Variants in UTRN observed in about 807,000 individuals in gnomAD.
UTRN encodes utrophin, also known as dystrophin-related protein 1.
A neutral mutation model predicts 463.9 loss-of-function variants in UTRN; 283 were observed. That is an observed-to-expected ratio of 0.61 (90% confidence interval 0.55 to 0.67). The LOEUF is 0.67. UTRN is among the 30% of genes least tolerant of loss of function. The probability of loss-of-function intolerance (pLI) is 0.00; values close to 1 mark genes in which losing one functional copy is unlikely to be tolerated. For synonymous variants in UTRN, 1,442 were observed against 1,431.5 expected (o/e 1.01, Z -0.17); for missense variants, 3,922 against 4,084.3 (o/e 0.96, Z 1.08).
At chr6:144,714,348 A>G (rs1481603860) in intron 53 of UTRN, among the ~76,000 whole-genome samples, 2 of 152,178 alleles carry the variant, frequency 1.3e-5, no homozygotes, top group Admixed American at 1.3e-4. Context: ...TGTTTGCATC[A>G]TTTATTTTTT....
rs149948024 is a variant in UTRN at position 144,300,411 on chromosome 6, A to G, written c.79+8504A>G. The stretch of plus-strand genomic sequence containing the variant: ...GGCCTCTTGTGATATCCTTATATTC[A>G]GTTAACCAAACCAAATCAAGTCAAA... On this transcript the variant is annotated intron_variant, in intron 2 of 74. Coordinates refer to ENST00000367545, the MANE Select transcript of UTRN (RefSeq NM_007124.3). Among the ~76,000 whole-genome samples, 427 of 152,334 alleles carry G rather than the reference A, an allele frequency of 2.8e-3. 1 individual carries two copies. The highest frequency in any genetic ancestry group is 5.3e-3 in the Non-Finnish European group (362 of 68,030).
intron 51 of UTRN, among the ~76,000 whole-genome samples, chr6:144,655,625 TTTC>T (rs1779243975): frequency 6.6e-6 from 1 of 152,178 alleles, no homozygotes; most frequent in African/African-American, 2.4e-5. Context: ...CTAAGAAGCT[TTTC>T]TTCTTTTCTT....
chr6:144,667,032 C>A (rs1299890743), intron 51 of UTRN, among the ~76,000 whole-genome samples: 1 of 151,052 alleles, frequency 6.6e-6, no homozygotes, highest in Non-Finnish European at 1.5e-5. Flanking sequence ...TCTTCCTCCT[C>A]CTCCTCCTCC....
At chr6:144,659,309 G>T (rs1247242465) in intron 51 of UTRN, among the ~76,000 whole-genome samples, 2 of 152,116 alleles carry the variant, frequency 1.3e-5, no homozygotes, top group Admixed American at 1.3e-4. Context: ...GGAAAGGGAG[G>T]ATGCTGATTA....
chr6:144,751,893 C>A lies in UTRN; in HGVS notation c.8296C>A (p.Pro2766Thr). The A allele has an allele frequency of 6.2e-7, 1 of 1,612,332 alleles. No individual in the cohort carries two copies. The highest frequency in any genetic ancestry group is 8.5e-7 in the Non-Finnish European group (1 of 1,179,162). ...SSQLSPLDLH[P>T]SLKMSRQLDD... ...TCAGCTGTCTCCACTTGACCTGCAT[C>A]CCTCTCTAAAGATGTCTCGCCAGCT... Residue 2766 changes from proline (P) to threonine (T), a missense_variant, in exon 56 of 75, where the codon CCC (proline) becomes ACC (threonine). By Grantham distance (38) the Pro-to-Thr change is conservative (BLOSUM62 -1). Transcript: ENST00000367545.
intron 2 of UTRN, among the ~76,000 whole-genome samples, chr6:144,327,017 A>G (rs1776015675): frequency 6.6e-6 from 1 of 152,048 alleles, no homozygotes; most frequent in African/African-American, 2.4e-5. Context: ...GTGGATTTGT[A>G]CCTGAGAAGG....
At chr6:144,373,244 T>C (rs888578234) in intron 2 of UTRN, among the ~76,000 whole-genome samples, 1 of 152,126 alleles carries the variant, frequency 6.6e-6, no homozygotes, top group Non-Finnish European at 1.5e-5. Flanking sequence ...TTATTCATAA[T>C]AGGCAAAAAG....
chr6:144,304,613 G>A (rs1805551324), intron 2 of UTRN, among the ~76,000 whole-genome samples: 1 of 152,122 alleles, frequency 6.6e-6, no homozygotes, highest in Non-Finnish European at 1.5e-5. Flanking sequence ...AGAATGAGTG[G>A]GGATGTGGGG....
intron 54 of UTRN, among the ~76,000 whole-genome samples, chr6:144,734,227 C>T (rs1391793103): frequency 1.3e-5 from 2 of 151,774 alleles, no homozygotes; most frequent in Non-Finnish European, 2.9e-5. Flanking sequence ...CAAAAATTTT[C>T]AAAAAAGGAA....
intron 56 of UTRN, among the ~76,000 whole-genome samples, chr6:144,754,011 A>G (rs1791696544): frequency 1.3e-5 from 2 of 152,162 alleles, no homozygotes; most frequent in Admixed American, 1.3e-4. Context: ...AAGATGTTGC[A>G]TACTCACATG....
chr6:144,479,852 A>C lies in UTRN; in HGVS notation c.3377A>C (p.Lys1126Thr). 1.2e-6 allele frequency: 2 copies of C among 1,613,962 alleles called. No individual in the cohort carries two copies. The highest frequency in any genetic ancestry group is 1.7e-6 in the Non-Finnish European group (2 of 1,179,962). ...QKSRLSESQE[K>T]AANLKKDLAE... ...AGTAGGTTGTCTGAAAGTCAAGAAAAAGCTGCGAACCTGAAGAAAGACTTG... is the reference window on the plus strand; with the variant it reads ...AGTAGGTTGTCTGAAAGTCAAGAAACAGCTGCGAACCTGAAGAAAGACTTG... The change falls in exon 26 of 75, where the codon AAA (lysine) becomes ACA (threonine). Residue 1126 changes from lysine (K) to threonine (T), a missense_variant. By Grantham distance (78) the Lys-to-Thr change is moderately conservative. This residue lies in a region of UTRN where 2,349 missense variants were observed against 2,303.8 expected (regional missense o/e 1.02). Coordinates refer to ENST00000367545, the MANE Select transcript of UTRN (RefSeq NM_007124.3).
chr6:144,440,623 G>A, intron 13 of UTRN, 152 bp downstream of exon 13: 1 of 1,014,360 alleles, frequency 9.9e-7, no homozygotes, highest in Non-Finnish European at 1.4e-6. Flanking sequence ...GGGTTCTACA[G>A]TGTGTGGGCT....
intron 65 of UTRN, among the ~76,000 whole-genome samples, chr6:144,819,877 GCCTCCTCCTCCTCCTCCT>G (rs535515378): frequency 6.3e-5 from 8 of 127,192 alleles, no homozygotes; most frequent in South Asian, 2.9e-4. Context: ...CTCCTCCGCC[GCCTCCTCCTCCTCCTCCT>G]CCTCCTCCTC....
intron 50 of UTRN, among the ~76,000 whole-genome samples, chr6:144,575,391 C>CGGAT (rs1451235824): frequency 3.3e-5 from 5 of 151,960 alleles, no homozygotes; most frequent in African/African-American, 1.2e-4. Context: ...GATAGAAGGA[C>CGGAT]GGATGGATGG....
rs898911637 is a variant in UTRN at position 144,539,357 on chromosome 6, G to A, written c.6433G>A (p.Glu2145Lys). Residue 2145 changes from glutamate to lysine, a missense_variant, in exon 45 of 75, where the codon GAG becomes AAG. Coordinates refer to ENST00000367545, the MANE Select transcript of UTRN (RefSeq NM_007124.3). ...CAAATGGCTGAATAGAACTGAATTG[G>A]AGATGCTTTCAGATAAAAGTCTGAG... ...KLKWLNRTEL[E>K]MLSDKSLSLP... The A allele has an allele frequency of 3.1e-6, 5 of 1,613,504 alleles. No individual in the cohort carries two copies. The highest frequency in any genetic ancestry group is 4.2e-6 in the Non-Finnish European group (5 of 1,179,716).
At chr6:144,548,879 T>C (rs1401086236) in intron 47 of UTRN, 25 bp downstream of exon 47, 1 of 1,609,154 alleles carries the variant, frequency 6.2e-7, no homozygotes, top group Admixed American at 1.7e-5. Flanking sequence ...TAAAAGCTTG[T>C]CATGGAAACG....
chr6:144,770,043 G>A (rs530310065), intron 58 of UTRN, among the ~76,000 whole-genome samples: 60 of 152,264 alleles, frequency 3.9e-4, no homozygotes, highest in African/African-American at 1.3e-3. Context: ...AAACCGAAAG[G>A]GTGGAATGGT....
At chr6:144,516,051 G>A (rs1285761452) in intron 37 of UTRN, among the ~76,000 whole-genome samples, 178 bp from the exon 38 acceptor site, 1 of 152,234 alleles carries the variant, frequency 6.6e-6, no homozygotes, top group African/African-American at 2.4e-5. Context: ...GGGTCATTCA[G>A]AGAAGTCTGA....
chr6:144,417,182 T>TG (rs901792822), intron 3 of UTRN, among the ~76,000 whole-genome samples: 3 of 152,196 alleles, frequency 2.0e-5, no homozygotes, highest in Non-Finnish European at 4.4e-5. Context: ...TTGCTCTCTT[T>TG]GGGGGGCCAC....
Sources: gnomAD v4.1 joint callset for allele counts (sites outside exome capture counted in the v4.1 genomes callset) on GRCh38, gnomAD v4.1.1 for gene constraint, gnomAD v4.1.1 regional missense constraint, MANE v1.5 for transcripts, NCBI Gene and HGNC (gene_info 2026-07-23, HGNC 2026-07-21) for gene names.